The following CUBN variants were observed in gnomAD, a reference collection of about 807,000 sequenced individuals.
CUBN encodes the protein 460 kDa receptor.
In CUBN, 282 loss-of-function variants were observed where a neutral mutation model predicts 405.3. The ratio of observed to expected loss-of-function variants is 0.70; its 90% CI spans 0.63 to 0.77. The LOEUF is 0.77. Among genes scored for constraint, CUBN ranks in the 30% least tolerant of loss-of-function variants. The pLI, the probability that CUBN is intolerant of heterozygous loss-of-function variation, is 0.00. For missense variants in CUBN, 4,514 were observed against 4,475.2 expected, an observed-to-expected ratio of 1.01 and a Z score of -0.25; for synonymous variants, 1,684 against 1,617.0, an observed-to-expected ratio of 1.04 and a Z score of -0.99.
chr10:16,917,823 T>G (rs1315296405), intron 45 of CUBN, among the ~76,000 whole-genome samples: 1 of 152,216 alleles, frequency 6.6e-6, no homozygotes, highest in Non-Finnish European at 1.5e-5. Context: ...CAAATAGACT[T>G]ATTTTTAAAA....
chr10:17,091,078 G>A (rs775625019), intron 14 of CUBN, among the ~76,000 whole-genome samples: 8 of 152,108 alleles, frequency 5.3e-5, no homozygotes, highest in Non-Finnish European at 8.8e-5. Context: ...TTTCAGTCCT[G>A]AGGTAAATAA....
At chr10:16,990,765 T>C (rs1444995441) in intron 28 of CUBN, among the ~76,000 whole-genome samples, 1 of 152,226 alleles carries the variant, frequency 6.6e-6, no homozygotes, top group Non-Finnish European at 1.5e-5. Flanking sequence ...TGCTCGATCC[T>C]TTTTCTTACC....
At chr10:17,081,064 A>G (rs1385616520) in intron 17 of CUBN, among the ~76,000 whole-genome samples, 1 of 152,212 alleles carries the variant, frequency 6.6e-6, no homozygotes, top group Non-Finnish European at 1.5e-5. Flanking sequence ...AAAAAAAAGA[A>G]AGATATGCTA....
At chr10:16,933,887 T>A (rs1470851705) in intron 39 of CUBN, among the ~76,000 whole-genome samples, 1 of 152,218 alleles carries the variant, frequency 6.6e-6, no homozygotes, top group Admixed American at 6.5e-5. Context: ...ACGGTTGTGA[T>A]GTGAAACAGC....
chr10:17,071,786 A>G, intron 18 of CUBN, 41 bp downstream of exon 18: 1 of 1,598,654 alleles, frequency 6.3e-7, no homozygotes, highest in Non-Finnish European at 8.5e-7. Context: ...AAATATTACA[A>G]TCAGGCAAAT....
chr10:16,917,048 G>A (rs1482869715), intron 45 of CUBN, among the ~76,000 whole-genome samples: 1 of 151,804 alleles, frequency 6.6e-6, no homozygotes, highest in East Asian at 1.9e-4. Flanking sequence ...TCCTGACCTC[G>A]TGATCCACCT....
intron 39 of CUBN, among the ~76,000 whole-genome samples, chr10:16,934,789 A>AT (rs1842455077): frequency 6.6e-6 from 1 of 152,200 alleles, no homozygotes; most frequent in Non-Finnish European, 1.5e-5. Context: ...GCCTACTGCC[A>AT]TGGTCTCAGG....
Position 16,874,643 on chromosome 10 carries a change from C to T in CUBN, c.9107-140G>A, listed in dbSNP as rs937768343. On this transcript the variant is annotated intron_variant, in intron 57 of 66. Coordinates refer to ENST00000377833, the MANE Select transcript of CUBN (RefSeq NM_001081.4). ...TTTTTCTTAAAGTGACTTATATCTC[C>T]CTTCATTGTGTTTACACATAATTCT... 3.8e-5 allele frequency: 39 copies of T among 1,014,986 alleles called. No individual in the cohort carries two copies. The African/African-American group carries it at 5.6e-4, about 15-fold the overall frequency. The allele number at this position is 1,014,986 out of a possible 1,614,324, so 62.9% of individuals were successfully genotyped here.
At chr10:17,106,642 C>A (rs929324948) in intron 10 of CUBN, among the ~76,000 whole-genome samples, 2 of 151,240 alleles carry the variant, frequency 1.3e-5, no homozygotes, top group Non-Finnish European at 1.5e-5. Context: ...TCTTATAATC[C>A]CCACTTTACA....
chr10:17,127,068 G>A (rs1460369502), intron 3 of CUBN, among the ~76,000 whole-genome samples: 1 of 151,986 alleles, frequency 6.6e-6, no homozygotes, highest in East Asian at 1.9e-4. Flanking sequence ...TCTGTAGGCA[G>A]TGACTATGGA....
chr10:16,889,082 C>A (rs2131397306), intron 55 of CUBN, among the ~76,000 whole-genome samples: 1 of 152,288 alleles, frequency 6.6e-6, no homozygotes, highest in Non-Finnish European at 1.5e-5. Context: ...ACATGCATCC[C>A]TGGTTTTCGA....
At chr10:16,979,468 A>T (rs183549027) in intron 31 of CUBN, among the ~76,000 whole-genome samples, 201 of 152,362 alleles carry the variant, frequency 1.3e-3, no homozygotes, top group Non-Finnish European at 2.2e-3. Flanking sequence ...TAACCAAAAC[A>T]GCATGGTACT....
chr10:17,035,106 C>T (rs1426789042), intron 27 of CUBN, among the ~76,000 whole-genome samples: 1 of 148,254 alleles, frequency 6.7e-6, no homozygotes, highest in Non-Finnish European at 1.5e-5. Context: ...CAAATGAAAA[C>T]GCAATTGAAA....
In CUBN at chr10:17,104,448, G is replaced by A; in HGVS notation, c.1388C>T (p.Thr463Ile). The A allele has an allele frequency of 6.2e-7, 1 of 1,613,996 alleles. No individual in the cohort carries two copies. Among genetic ancestry groups the A allele is most frequent in the Non-Finnish European group, 8.5e-7 (1 of 1,179,978 alleles). The change falls in exon 12 of 67, where the codon ACT becomes ATT. Residue 463 changes from threonine (T) to isoleucine (I), a missense_variant. This residue lies in a region of CUBN where 1,448 missense variants were observed against 1,388.0 expected (regional missense o/e 1.04). Transcript: ENST00000377833. ...CTGAGGAACCTGACAGAGAGCTCCA[G>A]TCCAGAGACGTGTGCATTCACAACT... ...SFSCECTRLWTGALCQVPQQV... is the reference protein window; with the variant it reads ...SFSCECTRLWIGALCQVPQQV...
chr10:16,976,910 T>C (rs1363959376), intron 31 of CUBN, among the ~76,000 whole-genome samples: 1 of 152,208 alleles, frequency 6.6e-6, no homozygotes, highest in Non-Finnish European at 1.5e-5. Context: ...AATTTGTAGT[T>C]GGGTCTTCTT....
At chr10:17,013,462 G>A (rs543635966) in intron 28 of CUBN, among the ~76,000 whole-genome samples, 1 of 151,438 alleles carries the variant, frequency 6.6e-6, no homozygotes, top group Non-Finnish European at 1.5e-5. Flanking sequence ...CCTTTCTGCT[G>A]GTCTTTCCCT....
rs569527072 is a variant in CUBN at position 16,928,174 on chromosome 10, T to C, written c.6254A>G (p.Asn2085Ser). Residue 2085 changes from asparagine to serine, a missense_variant, in exon 41 of 67, where the codon AAT becomes AGT. Physicochemically the swap from Asn to Ser is conservative, Grantham distance 46. Transcript: ENST00000377833. ...SDSSVTRAGF[N>S]ASFHKSCGGY... ...CTCATTACTCTTGTGAAAGGATGCA[T>C]TGAAGCCTGCCCTGGTTACACTGGA... The C allele has an allele frequency of 3.2e-5, 51 of 1,613,842 alleles. No individual in the cohort carries two copies. Among genetic ancestry groups the C allele is most frequent in the South Asian group, 5.5e-5 (5 of 91,074 alleles).
At chr10:17,065,151 T>C (rs1267828417) in intron 22 of CUBN, among the ~76,000 whole-genome samples, 4 of 124,032 alleles carry the variant, frequency 3.2e-5, no homozygotes, top group Non-Finnish European at 4.8e-5. Context: ...CACACACACA[T>C]GCACAGACAC....
At chr10:16,952,239 T>C in intron 33 of CUBN, 37 bp downstream of exon 33, 1 of 1,458,198 alleles carries the variant, frequency 6.9e-7, no homozygotes, top group South Asian at 1.1e-5. Flanking sequence ...ACACCTTCTC[T>C]CCTGTGTGCC....
Sources: allele counts gnomAD v4.1 joint callset (sites outside exome capture counted in the v4.1 genomes callset), GRCh38; gene constraint gnomAD v4.1.1; regional missense constraint gnomAD v4.1.1; transcripts MANE v1.5; gene names NCBI Gene and HGNC (gene_info 2026-07-23, HGNC 2026-07-21).